The following BACH2 variants were observed in gnomAD, a reference collection of about 807,000 sequenced individuals.
BACH2 encodes BACH transcriptional regulator 2, also known as transcription regulator protein BACH2.
A neutral mutation model predicts 61.8 loss-of-function variants in BACH2; 5 were observed. That is an observed-to-expected ratio of 0.08 (90% CI 0.04 to 0.17). BACH2 has a LOEUF of 0.17. Among genes scored for constraint, BACH2 ranks in the 10% least tolerant of loss-of-function variants. The pLI is 1.00. For synonymous variants in BACH2, 446 were observed against 440.1 expected (o/e 1.01, Z -0.17); for missense variants, 824 against 1,091.1 (o/e 0.76, Z 3.45).
chr6:89,970,399 G>A (rs1472894112), intron 6 of BACH2, among the ~76,000 whole-genome samples: 1 of 152,192 alleles, frequency 6.6e-6, no homozygotes, highest in Non-Finnish European at 1.5e-5. Flanking sequence ...CATATGGAAG[G>A]AACAGAATGT....
intron 5 of BACH2, among the ~76,000 whole-genome samples, chr6:90,022,367 T>C (rs763530465): frequency 1.3e-5 from 2 of 152,174 alleles, no homozygotes; most frequent in Non-Finnish European, 2.9e-5. Flanking sequence ...GCAGATTGCT[T>C]GAGGCCAGGA....
rs1582469795 is a variant in BACH2, at chr6:90,193,050, G to A, written c.-162+13519C>T. ...TTCAGCACGGGACTACATTTCCCAG[G>A]CCACTTCACCTCCAGGTGCAGCCAC... On this transcript the variant is annotated intron_variant, in intron 4 of 8. Coordinates refer to ENST00000257749, the MANE Select transcript of BACH2 (RefSeq NM_021813.4). Among the ~76,000 whole-genome samples the A allele has an allele frequency of 3.9e-5, 6 of 152,312 alleles. No individual in the cohort carries two copies. The South Asian group carries it at 1.2e-3, about 32-fold the overall frequency.
chr6:90,149,819 GC>G (rs1233255323), intron 4 of BACH2, among the ~76,000 whole-genome samples: 2 of 152,122 alleles, frequency 1.3e-5, no homozygotes, highest in East Asian at 3.9e-4. Context: ...TCCTTGAACT[GC>G]CAGAAGTCCT....
intron 2 of BACH2, among the ~76,000 whole-genome samples, chr6:90,266,504 A>T (rs1771337251): frequency 1.3e-5 from 2 of 152,192 alleles, no homozygotes; most frequent in Admixed American, 1.3e-4. Context: ...AACAACCCTA[A>T]TATCAACTGG....
At chr6:90,030,301 C>A (rs995814824) in intron 5 of BACH2, among the ~76,000 whole-genome samples, 1 of 152,070 alleles carries the variant, frequency 6.6e-6, no homozygotes, top group African/African-American at 2.4e-5. Context: ...AATGTGACAG[C>A]GACCACAGCC....
At chr6:90,060,304 C>G (rs1384132820) in intron 5 of BACH2, among the ~76,000 whole-genome samples, 1 of 152,134 alleles carries the variant, frequency 6.6e-6, no homozygotes, top group Non-Finnish European at 1.5e-5. Context: ...CTTGCTTATT[C>G]TGCCCTCCAA....
chr6:89,942,029 G>A (rs1010392981), intron 7 of BACH2, among the ~76,000 whole-genome samples: 4 of 117,632 alleles, frequency 3.4e-5, no homozygotes, highest in African/African-American at 1.5e-4. Context: ...TTTTTAAAGA[G>A]GGTCAGAGGA....
At chr6:89,999,314 C>T (rs755513012) in intron 6 of BACH2, among the ~76,000 whole-genome samples, 1 of 152,234 alleles carries the variant, frequency 6.6e-6, no homozygotes, top group African/African-American at 2.4e-5. Flanking sequence ...TCGTGAGTGA[C>T]TCAACCATCT....
At chr6:90,059,295 C>T (rs1182891877) in intron 5 of BACH2, among the ~76,000 whole-genome samples, 2 of 152,186 alleles carry the variant, frequency 1.3e-5, no homozygotes, top group Admixed American at 1.3e-4. Context: ...ACAAACAACC[C>T]CATCAACAAG....
rs199713561 is a variant in BACH2 at position 89,932,852 on chromosome 6, T to C, written c.2082A>G (p.Gln694=). 1.1e-5 allele frequency: 18 copies of C among 1,605,628 alleles called. No homozygotes were observed. The East Asian group carries it at 3.4e-4, about 30-fold the overall frequency. The change falls in exon 9 of 9, where the codon CAA becomes CAG. Residue 694 remains glutamine (Q), a synonymous_variant. Transcript: ENST00000257749. ...ACAGTTCCCCCATGCATGCTTTCAGTTGATTCCTCTCTGACAACAGTTTCT... is the reference window on the plus strand; with the variant it reads ...ACAGTTCCCCCATGCATGCTTTCAGCTGATTCCTCTCTGACAACAGTTTCT... ...EKEKLLSERN[Q]LKACMGELLD...
intron 5 of BACH2, among the ~76,000 whole-genome samples, chr6:90,050,244 A>T (rs539918538): frequency 1.3e-5 from 2 of 152,358 alleles, no homozygotes; most frequent in East Asian, 3.9e-4. Flanking sequence ...ACAAAATCAT[A>T]CTTGGTAAAA....
chr6:89,990,407 C>T (rs72923950), intron 6 of BACH2, among the ~76,000 whole-genome samples: 14,676 of 152,224 alleles, frequency 0.096, 911 homozygotes, highest in South Asian at 0.15. Flanking sequence ...ATCCACTAGA[C>T]TCTTTCTTCA....
At chr6:90,263,960 G>A (rs1279951137) in intron 2 of BACH2, among the ~76,000 whole-genome samples, 2 of 152,156 alleles carry the variant, frequency 1.3e-5, no homozygotes, top group Admixed American at 1.3e-4. Context: ...AGGCTGAAAA[G>A]CTTATAACCC....
chr6:90,246,570 C>T (rs1006912057), intron 3 of BACH2, among the ~76,000 whole-genome samples: 7 of 151,538 alleles, frequency 4.6e-5, no homozygotes, highest in Non-Finnish European at 1.0e-4. Context: ...TCTCTTAGTA[C>T]AAACTGGCAA....
At chr6:90,210,808 G>A (rs1769320013) in intron 3 of BACH2, among the ~76,000 whole-genome samples, 1 of 152,108 alleles carries the variant, frequency 6.6e-6, no homozygotes, top group Non-Finnish European at 1.5e-5. Context: ...TTGGTTCAAT[G>A]GTCAATCTTA....
At chr6:90,013,421 C>T (rs1777830061) in intron 5 of BACH2, among the ~76,000 whole-genome samples, 1 of 151,948 alleles carries the variant, frequency 6.6e-6, no homozygotes, top group South Asian at 2.1e-4. Context: ...TCCTTTTGAG[C>T]TGAGGAAGTT....
intron 3 of BACH2, among the ~76,000 whole-genome samples, chr6:90,210,151 A>C (rs73505273): frequency 0.013 from 2,013 of 152,256 alleles, 54 homozygotes; most frequent in African/African-American, 0.046. Context: ...TAGTTTTCCT[A>C]ATTTGGAAAC....
chr6:90,111,811 A>G (rs1783185556), intron 4 of BACH2, among the ~76,000 whole-genome samples: 1 of 152,232 alleles, frequency 6.6e-6, no homozygotes, highest in Admixed American at 6.5e-5. Context: ...GAGTTTCCAC[A>G]AGGGTAGGAA....
At chr6:90,179,501 T>C (rs1582454815) in intron 4 of BACH2, among the ~76,000 whole-genome samples, 1 of 152,180 alleles carries the variant, frequency 6.6e-6, no homozygotes, top group African/African-American at 2.4e-5. Flanking sequence ...ACAAAAAATG[T>C]AGGTAAAGAA....
Sources: gnomAD v4.1 joint callset for allele counts (sites outside exome capture counted in the v4.1 genomes callset) on GRCh38, gnomAD v4.1.1 for gene constraint, MANE v1.5 for transcripts, NCBI Gene and HGNC (gene_info 2026-07-23, HGNC 2026-07-21) for gene names.